The following ADH7 variants were observed in gnomAD, a reference collection of about 807,000 sequenced individuals.
ADH7 encodes the protein alcohol dehydrogenase 7 (class IV), mu or sigma polypeptide.
In ADH7, 41 loss-of-function variants were observed where a neutral mutation model predicts 34.4. The observed-to-expected ratio is 1.19, with a 90% CI of 0.93 to 1.55. The LOEUF is 1.55. ADH7 is among the 40% of genes most tolerant of loss of function. The pLI is 0.00. For synonymous variants in ADH7, 180 were observed against 160.9 expected (o/e 1.12, Z -0.90); for missense variants, 540 against 461.2 (o/e 1.17, Z -1.56).
chr4:99,419,789 G>T (rs987932034), intron 6 of ADH7, among the ~76,000 whole-genome samples: 1 of 152,106 alleles, frequency 6.6e-6, no homozygotes, highest in African/African-American at 2.4e-5. Context: ...AAATCTAAGT[G>T]ATTCACTAGG....
At chr4:99,418,885 C>A (rs1721582424) in intron 7 of ADH7, 101 bp downstream of exon 7, 1 of 1,393,230 alleles carries the variant, frequency 7.2e-7, no homozygotes, top group Non-Finnish European at 9.8e-7. Flanking sequence ...TCACTTCATA[C>A]TCATTCTTGG....
At chr4:99,428,206 GTTCA>G (rs1459707501) in intron 3 of ADH7, 32 bp from the exon 4 acceptor site, 2 of 1,551,622 alleles carry the variant, frequency 1.3e-6, no homozygotes, top group Admixed American at 3.4e-5. Context: ...ATAAGATGCT[GTTCA>G]TTAATGTTAA....
rs369188890 is a variant in ADH7, at chr4:99,420,526, G to C, written c.825+7C>G. ...TATTTTGTGGCTTCTCAAATTTTGG[G>C]TCTTACCATGGTTTCAAGATGCCCA... On this transcript the variant is annotated splice_region_variant and intron_variant, in intron 6 of 8. Transcript: ENST00000437033. 2.5e-4 allele frequency: 403 copies of C among 1,609,676 alleles called. No homozygotes were observed. The highest frequency in any genetic ancestry group is 3.4e-4 in the Non-Finnish European group (395 of 1,176,838).
intron 5 of ADH7, among the ~76,000 whole-genome samples, chr4:99,426,431 C>A (rs1030139745): frequency 1.1e-4 from 16 of 152,148 alleles, no homozygotes; most frequent in African/African-American, 3.6e-4. Context: ...ACTACAAACA[C>A]CTCTACGCAA....
At position 99,427,764 on chromosome 4, in the gene ADH7, G is replaced by A; in HGVS notation, c.564+9C>T. On this transcript the variant is annotated intron_variant, in intron 5 of 8. Transcript: ENST00000437033. The stretch of plus-strand genomic sequence containing the variant: ...AAGAACAAATAAACTAGCCTACCCT[G>A]TTTCTTACCTTGCCAGTTTTAACAG... 1 of 1,517,220 alleles carries A rather than the reference G, an allele frequency of 6.6e-7. No individual in the cohort carries two copies. Among genetic ancestry groups the A allele is most frequent in the Non-Finnish European group, 8.8e-7 (1 of 1,131,960 alleles). The allele number at this position is 1,517,220 out of a possible 1,614,324, so 94.0% of individuals were successfully genotyped here. A position where few individuals can be genotyped will look rare whatever the true frequency, so the allele number is the denominator to read the frequency against.
Position 99,421,931 on chromosome 4 carries a change from G to A in ADH7, c.565-1138C>T, listed in dbSNP as rs143713394. Among the ~76,000 whole-genome samples, 411 of 152,310 alleles carry A rather than the reference G, an allele frequency of 2.7e-3. 1 individual carries two copies. The highest frequency in any genetic ancestry group is 9.3e-3 in the African/African-American group (387 of 41,564). On this transcript the variant is annotated intron_variant, in intron 5 of 8. Coordinates refer to ENST00000437033, the MANE Select transcript of ADH7 (RefSeq NM_000673.7). The stretch of plus-strand genomic sequence containing the variant: ...CAACATCACTGATCATTAGAGAAAT[G>A]CAAATCAAAACCACCGTGTGATACC...
chr4:99,423,166 T>C (rs569241025), intron 5 of ADH7, among the ~76,000 whole-genome samples: 1 of 151,424 alleles, frequency 6.6e-6, no homozygotes, highest in East Asian at 1.9e-4. Context: ...CTGAGAATGA[T>C]GGTTTCCAGC....
In ADH7 at chr4:99,420,702, A is replaced by T. The variant is rs1016359323; in HGVS notation, c.656T>A (p.Ile219Asn). The change falls in exon 6 of 9, where the codon ATC (isoleucine) becomes AAC (asparagine). Residue 219 changes from isoleucine to asparagine, a missense_variant. Physicochemically the swap from Ile to Asn is moderately radical, Grantham distance 149. Transcript: ENST00000437033. ...GTCTTTGTTGAGGTCAATCCCAATG[A>T]TCCTAGATGCACCAGCTGACTTACA... is the stretch of plus-strand genomic sequence containing the variant. The part of the protein sequence containing the change: ...MGCKSAGASR[I>N]IGIDLNKDKF... The T allele has an allele frequency of 1.2e-6, 2 of 1,613,924 alleles. No homozygotes were observed. The highest frequency in any genetic ancestry group is 1.7e-6 in the Non-Finnish European group (2 of 1,179,934).
intron 5 of ADH7, 97 bp from the exon 6 acceptor site, chr4:99,420,890 T>C (rs1721641966): frequency 9.1e-7 from 1 of 1,102,160 alleles, no homozygotes; most frequent in Non-Finnish European, 1.3e-6. Context: ...ATGAGTGAAC[T>C]CCCATTCACA....
In ADH7 at chr4:99,428,538, A is replaced by T. The variant is rs943679727; in HGVS notation, c.213T>A (p.Thr71=). The T allele has an allele frequency of 6.2e-7, 1 of 1,613,762 alleles. No homozygotes were observed. Among genetic ancestry groups the T allele is most frequent in the African/African-American group, 1.3e-5 (1 of 74,884 alleles). ...CTTCTCCAATGCTCTCTACAATCCC[A>T]GTTGCCTCATGTCCCACAATCACTG... ...KFPVIVGHEA[T]GIVESIGEGV... The change falls in exon 3 of 9, where the codon ACT becomes ACA. Residue 71 remains threonine (T), a synonymous_variant. Coordinates refer to ENST00000437033, the MANE Select transcript of ADH7 (RefSeq NM_000673.7).
chr4:99,427,287 A>G (rs1721831918), intron 5 of ADH7, among the ~76,000 whole-genome samples: 1 of 152,190 alleles, frequency 6.6e-6, no homozygotes, highest in African/African-American at 2.4e-5. Flanking sequence ...AATCAAAATG[A>G]TTAATGATTT....
At chr4:99,426,863 T>C (rs1436826600) in intron 5 of ADH7, among the ~76,000 whole-genome samples, 1 of 152,184 alleles carries the variant, frequency 6.6e-6, no homozygotes, top group Non-Finnish European at 1.5e-5. Context: ...TTATCCACCA[T>C]GATCAAATGG....
At chr4:99,419,255 A>C (rs1375584170) in intron 6 of ADH7, 134 bp from the exon 7 acceptor site, 3 of 1,129,038 alleles carry the variant, frequency 2.7e-6, no homozygotes, top group Non-Finnish European at 3.7e-6. Context: ...TGCTTTAAAA[A>C]AATTTCAGTG....
chr4:99,427,500 T>C (rs1466556214), intron 5 of ADH7, among the ~76,000 whole-genome samples: 2 of 152,080 alleles, frequency 1.3e-5, no homozygotes, highest in Non-Finnish European at 2.9e-5. Flanking sequence ...AAACTTAACA[T>C]ATGGGGAAGG....
chr4:99,432,580 T>C (rs1721960256), intron 1 of ADH7: 1 of 152,150 alleles, frequency 6.6e-6, no homozygotes, highest in South Asian at 2.1e-4. Context: ...AAATATTAAA[T>C]AGATAAAAGT....
At chr4:99,414,417 T>G (rs1343641602) in intron 8 of ADH7, among the ~76,000 whole-genome samples, 1 of 152,150 alleles carries the variant, frequency 6.6e-6, no homozygotes, top group Non-Finnish European at 1.5e-5. Flanking sequence ...CAATAATTAT[T>G]TATAGGCCCA....
Position 99,428,512 on chromosome 4 carries a change from C to G in ADH7, c.239G>C (p.Gly80Ala), listed in dbSNP as rs1573496. 148,981 of 1,613,220 alleles carry G rather than the reference C, an allele frequency of 0.092. 8,053 individuals carry two copies. Among genetic ancestry groups the G allele is most frequent in the Middle Eastern group, 0.15 (901 of 6,058 alleles). The change falls in exon 3 of 9, where the codon GGA (glycine) becomes GCA (alanine). Residue 80 changes from glycine (G) to alanine (A), a missense_variant. Coordinates refer to ENST00000437033, the MANE Select transcript of ADH7 (RefSeq NM_000673.7). ...TATACCTGGTTTCACTGTAGTCACT[C>G]CTTCTCCAATGCTCTCTACAATCCC... ...ATGIVESIGEGVTTVKPGDKV... is the reference protein window; with the variant it reads ...ATGIVESIGEAVTTVKPGDKV...
intron 8 of ADH7, among the ~76,000 whole-genome samples, chr4:99,414,388 T>C (rs532943931): frequency 2.0e-5 from 3 of 152,204 alleles, no homozygotes; most frequent in Admixed American, 6.6e-5. Flanking sequence ...ATCCACGTCC[T>C]TGGCACATAG....
intron 8 of ADH7, among the ~76,000 whole-genome samples, chr4:99,415,005 A>G (rs1263745195): frequency 2.0e-5 from 3 of 152,198 alleles, no homozygotes; most frequent in African/African-American, 7.2e-5. Context: ...TATAATCCCT[A>G]TAATCCCTAC....
Sources: allele counts gnomAD v4.1 joint callset (sites outside exome capture counted in the v4.1 genomes callset), GRCh38; gene constraint gnomAD v4.1.1; transcripts MANE v1.5; gene names NCBI Gene and HGNC (gene_info 2026-07-23, HGNC 2026-07-21).